Variants in MAP2K4 observed in about 807,000 individuals in gnomAD.
The protein encoded by MAP2K4 is mitogen-activated protein kinase kinase 4.
In MAP2K4, 4 loss-of-function variants were observed where a neutral mutation model predicts 48.5. The observed-to-expected ratio is 0.08, with a 90% CI of 0.04 to 0.19. The LOEUF (loss-of-function observed/expected upper bound fraction) is 0.19. Ranked by LOEUF, MAP2K4 falls within the 10% of genes least tolerant of loss-of-function variation. The pLI is 1.00. For missense variants in MAP2K4, 258 were observed against 493.3 expected, an observed-to-expected ratio of 0.52 and a Z score of 4.52; for synonymous variants, 166 against 173.1, an observed-to-expected ratio of 0.96 and a Z score of 0.32.
At chr17:12,059,871 G>A (rs1429339535) in intron 2 of MAP2K4, among the ~76,000 whole-genome samples, 1 of 152,084 alleles carries the variant, frequency 6.6e-6, no homozygotes, top group Admixed American at 6.5e-5. Flanking sequence ...TCTTATAAAC[G>A]TTGCTGTCTT....
chr17:12,040,849 C>G (rs1333765137), intron 1 of MAP2K4, among the ~76,000 whole-genome samples: 2 of 152,054 alleles, frequency 1.3e-5, no homozygotes, highest in African/African-American at 4.8e-5. Context: ...TGTCATTTAC[C>G]CTTTAGCAGT....
chr17:12,130,587 C>T (rs796900634), intron 9 of MAP2K4, among the ~76,000 whole-genome samples: 14 of 152,224 alleles, frequency 9.2e-5, no homozygotes, highest in African/African-American at 3.4e-4. Flanking sequence ...GGTACTTGTA[C>T]ATGTTTATTT....
In MAP2K4 at chr17:12,113,273, T is replaced by C. The variant is rs554964514; in HGVS notation, c.726T>C (p.Asn242=). ...PSNILLDRSG[N]IKLCDFGISG... ...ATATTCTTCTGGACAGAAGTGGAAA[T>C]ATTAAGCTCTGTGACTTCGGCATCA... is the stretch of plus-strand genomic sequence containing the variant. The change falls in exon 7 of 11, where the codon AAT becomes AAC. Residue 242 remains asparagine, a synonymous_variant. Coordinates refer to ENST00000353533, the MANE Select transcript of MAP2K4 (RefSeq NM_003010.4). The C allele has an allele frequency of 1.2e-5, 20 of 1,613,772 alleles. No homozygotes were observed. The African/African-American group carries it at 2.4e-4, about 19-fold the overall frequency.
intron 4 of MAP2K4, among the ~76,000 whole-genome samples, chr17:12,106,021 C>T (rs1385407782): frequency 6.6e-6 from 1 of 152,158 alleles, no homozygotes; most frequent in African/African-American, 2.4e-5. Flanking sequence ...GGGGCAGTCT[C>T]ATTTCATAGC....
chr17:12,062,215 A>G (rs28918117), intron 2 of MAP2K4, among the ~76,000 whole-genome samples: 1 of 150,958 alleles, frequency 6.6e-6, no homozygotes, highest in Non-Finnish European at 1.5e-5. Context: ...ATCTTTTTTT[A>G]TTTTTCACTT....
Position 12,125,414 on chromosome 17 carries a change from T to G in MAP2K4, c.891+43T>G, listed in dbSNP as rs28921068. Reference sequence around the variant, plus strand: ...CAACCTTGCCACAGTAGCGTAACAATAAGAAATTTAGAAGTGAAAGAAAAC... The same window carrying G: ...CAACCTTGCCACAGTAGCGTAACAAGAAGAAATTTAGAAGTGAAAGAAAAC... On this transcript the variant is annotated intron_variant, in intron 8 of 10. Coordinates refer to ENST00000353533, the MANE Select transcript of MAP2K4 (RefSeq NM_003010.4). 86 of 1,512,016 alleles carry G rather than the reference T, an allele frequency of 5.7e-5. No homozygotes were observed. In the East Asian group the frequency reaches 1.8e-3, roughly 31 times the overall value. 93.7% of individuals were successfully genotyped at this position (1,512,016 alleles called of 1,614,324 possible). A position where few individuals can be genotyped will look rare whatever the true frequency, so the allele number is the denominator to read the frequency against.
chr17:12,112,124 A>T (rs1175556638), intron 6 of MAP2K4, among the ~76,000 whole-genome samples: 2 of 152,130 alleles, frequency 1.3e-5, no homozygotes, highest in Non-Finnish European at 2.9e-5. Flanking sequence ...CGAGGTGTGG[A>T]TGTTGATGAG....
intron 3 of MAP2K4, among the ~76,000 whole-genome samples, chr17:12,092,717 AAAAC>A (rs1249091142): frequency 2.0e-5 from 3 of 152,178 alleles, no homozygotes; most frequent in African/African-American, 4.8e-5. Context: ...GTTCAACCCT[AAAAC>A]ATTAGTATAA....
intron 9 of MAP2K4, among the ~76,000 whole-genome samples, chr17:12,132,803 C>T (rs867369436): frequency 5.3e-5 from 8 of 152,064 alleles, no homozygotes; most frequent in Admixed American, 3.9e-4. Context: ...GGGTGCTGAG[C>T]GTGCCACAGT....
intron 2 of MAP2K4, among the ~76,000 whole-genome samples, chr17:12,058,662 C>G (rs1445548354): frequency 2.0e-5 from 3 of 152,142 alleles, no homozygotes; most frequent in Non-Finnish European, 1.5e-5. Context: ...GTTGTTTTAT[C>G]TTTTCCTTCA....
intron 4 of MAP2K4, among the ~76,000 whole-genome samples, chr17:12,099,158 C>T (rs1169451122): frequency 6.6e-6 from 1 of 150,944 alleles, no homozygotes. Context: ...ATTTGTCTTT[C>T]TGTTTCTGGT....
At position 12,131,540 on chromosome 17, in the gene MAP2K4, C is replaced by T. The variant is rs558459625; in HGVS notation, c.1040+2253C>T. Among the ~76,000 whole-genome samples the T allele has an allele frequency of 6.6e-5, 10 of 152,156 alleles. No homozygotes were observed. In the South Asian group the frequency reaches 1.5e-3, roughly 22 times the overall value. ...GATTACAGGCATGAGCCACTGCCCC[C>T]GGCCCGCTCTAGCCACATTTCTCAT... On this transcript the variant is annotated intron_variant, in intron 9 of 10. Coordinates refer to ENST00000353533, the MANE Select transcript of MAP2K4 (RefSeq NM_003010.4).
chr17:12,071,698 AAT>A (rs143836908), intron 2 of MAP2K4, among the ~76,000 whole-genome samples: 1 of 152,064 alleles, frequency 6.6e-6, no homozygotes, highest in Non-Finnish European at 1.5e-5. Context: ...GGCACTGGGA[AAT>A]ATATATATAT....
rs904943890 is a variant in MAP2K4, at chr17:12,081,070, T to C, written c.219-286T>C. 1.3e-5 allele frequency among the ~76,000 whole-genome samples: 2 copies of C among 152,234 alleles called. No homozygotes were observed. The highest frequency in any genetic ancestry group is 4.8e-5 in the African/African-American group (2 of 41,464). ...TCTTATATTTAGAAATGAAAACTGA[T>C]CTGCAGAATTAGTTTAATCAATAAA... On this transcript the variant is annotated intron_variant, in intron 2 of 10. Transcript: ENST00000353533. This position sits in a 1 kb window ranked among gnomAD's most constrained non-coding sequence, Gnocchi z 4.2.
intron 8 of MAP2K4, among the ~76,000 whole-genome samples, chr17:12,128,452 A>G (rs995756891): frequency 6.6e-6 from 1 of 152,098 alleles, no homozygotes; most frequent in African/African-American, 2.4e-5. Context: ...TTATTAGAGA[A>G]TATTTTTTTT....
chr17:12,056,270 A>G (rs1970280110), intron 2 of MAP2K4, among the ~76,000 whole-genome samples: 1 of 152,054 alleles, frequency 6.6e-6, no homozygotes, highest in Admixed American at 6.5e-5. Context: ...CTTTTTGGAC[A>G]AGGAGAAAGA....
intron 2 of MAP2K4, among the ~76,000 whole-genome samples, chr17:12,060,078 T>TGAGGTA: frequency 6.6e-6 from 1 of 151,926 alleles, no homozygotes; most frequent in Non-Finnish European, 1.5e-5. Flanking sequence ...CTTGGGAGGC[T>TGAGGTA]GAGGTAGAAG....
At chr17:12,092,439 A>T (rs1971591986) in intron 3 of MAP2K4, among the ~76,000 whole-genome samples, 1 of 152,190 alleles carries the variant, frequency 6.6e-6, no homozygotes, top group Non-Finnish European at 1.5e-5. Context: ...GACTCACTTG[A>T]TTCAAATGTA....
At chr17:12,112,338 C>T (rs1181287733) in intron 6 of MAP2K4, among the ~76,000 whole-genome samples, 1 of 152,000 alleles carries the variant, frequency 6.6e-6, no homozygotes, top group East Asian at 1.9e-4. Flanking sequence ...TGGCGCATGC[C>T]TGTAATCCCA....
Sources: allele counts gnomAD v4.1 joint callset (sites outside exome capture counted in the v4.1 genomes callset), GRCh38; gene constraint gnomAD v4.1.1; non-coding constraint Gnocchi (gnomAD v3.1); transcripts MANE v1.5; gene names NCBI Gene and HGNC (gene_info 2026-07-23, HGNC 2026-07-21).